Variants in SHROOM3 observed in about 807,000 individuals in gnomAD.
SHROOM3 encodes the protein protein Shroom3.
In SHROOM3, 47 loss-of-function variants were observed where a neutral mutation model predicts 138.6. The observed-to-expected ratio is 0.34, with a 90% confidence interval of 0.27 to 0.43. SHROOM3 has a LOEUF of 0.43. Ranked by LOEUF, SHROOM3 falls within the 20% of genes least tolerant of loss-of-function variation. The probability of loss-of-function intolerance (pLI) is 1.00; values close to 1 mark genes in which losing one functional copy is unlikely to be tolerated. For missense variants in SHROOM3, 2,491 were observed against 2,596.5 expected, an observed-to-expected ratio of 0.96 and a Z score of 0.88; for synonymous variants, 1,062 against 1,063.3, an observed-to-expected ratio of 1.00 and a Z score of 0.02.
chr4:76,535,034 C>A (rs1732922859), intron 1 of SHROOM3, among the ~76,000 whole-genome samples: 1 of 152,210 alleles, frequency 6.6e-6, no homozygotes, highest in Non-Finnish European at 1.5e-5. Context: ...CTATTCCTGC[C>A]TGGCCTCAGT....
chr4:76,541,366 T>A (rs531457662), intron 1 of SHROOM3, among the ~76,000 whole-genome samples: 2 of 152,116 alleles, frequency 1.3e-5, no homozygotes, highest in Non-Finnish European at 2.9e-5. Flanking sequence ...TTAAAGAAAA[T>A]TTTTAAAATT....
At chr4:76,623,124 C>T (rs1279907783) in intron 2 of SHROOM3, among the ~76,000 whole-genome samples, 2 of 152,206 alleles carry the variant, frequency 1.3e-5, no homozygotes, top group East Asian at 3.8e-4. Flanking sequence ...TAAGTTGTGA[C>T]TCCTCTTTCA....
At chr4:76,635,482 G>A (rs761696884) in intron 2 of SHROOM3, among the ~76,000 whole-genome samples, 17 of 152,160 alleles carry the variant, frequency 1.1e-4, no homozygotes, top group Non-Finnish European at 2.2e-4. Context: ...AATGGTTGGG[G>A]TATTTATTAA....
chr4:76,554,937 G>A (rs1733449268), intron 1 of SHROOM3, among the ~76,000 whole-genome samples: 2 of 151,694 alleles, frequency 1.3e-5, no homozygotes, highest in African/African-American at 4.8e-5. Context: ...GAACCCTATT[G>A]TGAACTACAC....
chr4:76,765,568 G>A (rs1722127585), intron 9 of SHROOM3, among the ~76,000 whole-genome samples: 1 of 152,026 alleles, frequency 6.6e-6, no homozygotes, highest in African/African-American at 2.4e-5. Flanking sequence ...CCAACCACTT[G>A]GCTAGTAGTC....
intron 2 of SHROOM3, among the ~76,000 whole-genome samples, chr4:76,689,219 C>A (rs1256205863): frequency 1.3e-5 from 2 of 151,978 alleles, no homozygotes; most frequent in African/African-American, 2.4e-5. Context: ...CGCGGAGGGG[C>A]GAGTGGAGCG....
intron 3 of SHROOM3, among the ~76,000 whole-genome samples, chr4:76,723,082 A>G (rs1310794837): frequency 6.6e-6 from 1 of 152,086 alleles, no homozygotes; most frequent in Non-Finnish European, 1.5e-5. Context: ...ATCAACAAAA[A>G]AATTAGTTCT....
At chr4:76,522,145 T>G (rs1016909148) in intron 1 of SHROOM3, among the ~76,000 whole-genome samples, 1 of 144,752 alleles carries the variant, frequency 6.9e-6, no homozygotes, top group South Asian at 2.2e-4. Flanking sequence ...TGATCCCTGA[T>G]TGGATCTTTT....
chr4:76,736,078 A>G lies in SHROOM3; in HGVS notation c.588-2683A>G, dbSNP rs139108137. 3.9e-3 allele frequency among the ~76,000 whole-genome samples: 592 copies of G among 151,552 alleles called. 1 individual carries two copies. Among genetic ancestry groups the G allele is most frequent in the Middle Eastern group, 0.014 (4 of 294 alleles). ...CCTAATGTCTCCTACCTTCATAGAA[A>G]TGGTGAATGAAACGGCCCTTATGGG... On this transcript the variant is annotated intron_variant, in intron 4 of 10. Transcript: ENST00000296043.
chr4:76,497,806 C>T (rs942933164), intron 1 of SHROOM3, among the ~76,000 whole-genome samples: 3 of 151,958 alleles, frequency 2.0e-5, no homozygotes, highest in African/African-American at 4.8e-5. Context: ...TGCAGTGAGC[C>T]GAGATTGCGC....
chr4:76,625,168 C>T (rs868077878), intron 2 of SHROOM3, among the ~76,000 whole-genome samples: 1 of 152,166 alleles, frequency 6.6e-6, no homozygotes, highest in African/African-American at 2.4e-5. Context: ...CATTTCCAAA[C>T]TACAATAGCA....
rs547875955 is a variant in SHROOM3, at chr4:76,740,240, C to T, written c.2067C>T (p.Pro689=). The change falls in exon 5 of 11, where the codon CCC becomes CCT. Residue 689 remains proline, a synonymous_variant. Transcript: ENST00000296043. The surrounding 1 kb of genome is among the most constrained non-coding windows in gnomAD (Gnocchi z 4.0). ...GCCGGGGAACCCAGGAGGGTTACCCCGGGGGCAGGCCCACCTGTGCAGTCA... is the reference window on the plus strand; with the variant it reads ...GCCGGGGAACCCAGGAGGGTTACCCTGGGGGCAGGCCCACCTGTGCAGTCA... ...ELGRGTQEGY[P]GGRPTCAVNT... 5 of 1,613,236 alleles carry T rather than the reference C, an allele frequency of 3.1e-6. No homozygotes were observed. The highest frequency in any genetic ancestry group is 2.2e-5 in the East Asian group (1 of 44,854).
chr4:76,646,230 ATATAT>A (rs1735816396), intron 2 of SHROOM3, among the ~76,000 whole-genome samples: 1 of 139,812 alleles, frequency 7.2e-6, no homozygotes, highest in Non-Finnish European at 1.5e-5. Context: ...AAATAAATAT[ATATAT>A]ATATATATAT....
intron 6 of SHROOM3, 138 bp downstream of exon 6, chr4:76,749,228 A>AT: frequency 1.3e-6 from 1 of 750,810 alleles, no homozygotes; most frequent in Admixed American, 2.9e-5. Context: ...GCCATGGATA[A>AT]CTTTTTTTTT....
intron 10 of SHROOM3, among the ~76,000 whole-genome samples, chr4:76,777,344 A>AT (rs1489599571): frequency 2.0e-5 from 3 of 151,838 alleles, no homozygotes; most frequent in South Asian, 2.1e-4. Context: ...TAAGTATTTT[A>AT]TTTTTTTGCA....
intron 10 of SHROOM3, among the ~76,000 whole-genome samples, chr4:76,775,741 C>CTA (rs151230134): frequency 2.7e-5 from 4 of 150,466 alleles, no homozygotes; most frequent in East Asian, 2.0e-4. Flanking sequence ...TATACACATA[C>CTA]TATATATATA....
Position 76,436,210 on chromosome 4 carries a change from T to G in SHROOM3, c.158T>G (p.Ile53Ser). 6.2e-7 allele frequency: 1 copy of G among 1,614,040 alleles called. No homozygotes were observed. The highest frequency in any genetic ancestry group is 8.5e-7 in the Non-Finnish European group (1 of 1,179,888). The change falls in exon 1 of 11, where the codon ATC (isoleucine) becomes AGC (serine). Residue 53 changes from isoleucine to serine, a missense_variant. Physicochemically the swap from Ile to Ser is moderately radical, Grantham distance 142. Coordinates refer to ENST00000296043, the MANE Select transcript of SHROOM3 (RefSeq NM_020859.4). Reference protein sequence around the residue: ...KGGLEHGEPLIISKVEEGGKA... With the variant: ...KGGLEHGEPLSISKVEEGGKA... ...GGCCTGGAGCACGGAGAACCATTAA[T>G]CATCTCTAAGGTATGTTTCTTTTTC...
intron 2 of SHROOM3, among the ~76,000 whole-genome samples, chr4:76,660,153 C>T (rs367797264): frequency 6.6e-6 from 1 of 152,144 alleles, no homozygotes; most frequent in East Asian, 1.9e-4. Context: ...GCTCTTCTTG[C>T]TTGGGAAGCT....
intron 2 of SHROOM3, among the ~76,000 whole-genome samples, chr4:76,651,092 C>A (rs1249805122): frequency 7.0e-6 from 1 of 143,788 alleles, no homozygotes; most frequent in Non-Finnish European, 1.5e-5. Context: ...CAATTGAGCT[C>A]ATAAACATAG....
Sources: gnomAD v4.1 joint callset for allele counts (sites outside exome capture counted in the v4.1 genomes callset) on GRCh38, gnomAD v4.1.1 for gene constraint, Gnocchi (gnomAD v3.1) non-coding constraint, MANE v1.5 for transcripts, NCBI Gene and HGNC (gene_info 2026-07-23, HGNC 2026-07-21) for gene names.